Variants in CMTM6 observed in about 807,000 individuals in gnomAD.
The protein encoded by CMTM6 is CKLF like MARVEL transmembrane domain containing 6.
CMTM6 carries 5 observed loss-of-function variants against 13.6 expected under a neutral mutation model. The ratio of observed to expected loss-of-function variants is 0.37; its 90% CI spans 0.19 to 0.77. The LOEUF (loss-of-function observed/expected upper bound fraction) is 0.77. CMTM6 is among the 30% of genes least tolerant of loss of function. The pLI, the probability that CMTM6 is intolerant of heterozygous loss-of-function variation, is 0.50. For missense variants in CMTM6, 196 were observed against 218.6 expected, an observed-to-expected ratio of 0.90 and a Z score of 0.65; for synonymous variants, 99 against 84.5, an observed-to-expected ratio of 1.17 and a Z score of -0.94.
intron 2 of CMTM6, among the ~76,000 whole-genome samples, chr3:32,489,704 CT>C (rs1697235205): frequency 6.6e-6 from 1 of 151,692 alleles, no homozygotes; most frequent in Non-Finnish European, 1.5e-5. Context: ...AGGTGTTTCC[CT>C]GTAGTACTTT....
At chr3:32,488,103 T>C (rs1044859530) in intron 2 of CMTM6, 67 bp from the exon 3 acceptor site, 10 of 1,142,954 alleles carry the variant, frequency 8.7e-6, no homozygotes, top group Middle Eastern at 4.4e-4. Context: ...AACTTTTTCA[T>C]TTTTAACTTT....
Position 32,502,628 on chromosome 3 carries a change from C to G in CMTM6, c.118G>C (p.Val40Leu), listed in dbSNP as rs956569134. ...CTCACCAGCTGCAAGCCCTTGAGAACGCGCCGGAGCAATGGGAGCCGGCCC... is the reference window on the plus strand; with the variant it reads ...CTCACCAGCTGCAAGCCCTTGAGAAGGCGCCGGAGCAATGGGAGCCGGCCC... Reference protein sequence around the residue: ...FMGRLPLLRRVLKGLQLLLSL... With the variant: ...FMGRLPLLRRLLKGLQLLLSL... Residue 40 changes from valine to leucine, a missense_variant, in exon 1 of 4, where the codon GTT becomes CTT. Coordinates refer to ENST00000205636, the MANE Select transcript of CMTM6 (RefSeq NM_017801.3). The G allele has an allele frequency of 4.4e-6, 7 of 1,597,164 alleles. No individual in the cohort carries two copies. The highest frequency in any genetic ancestry group is 4.5e-5 in the East Asian group (2 of 44,246).
At chr3:32,490,909 A>G (rs1384236830) in intron 2 of CMTM6, among the ~76,000 whole-genome samples, 1 of 152,196 alleles carries the variant, frequency 6.6e-6, no homozygotes, top group African/African-American at 2.4e-5. Context: ...CAGACACTTG[A>G]GAACTTTTCC....
intron 1 of CMTM6, among the ~76,000 whole-genome samples, chr3:32,499,925 T>G (rs892557556): frequency 4.0e-5 from 6 of 148,576 alleles, no homozygotes; most frequent in African/African-American, 1.2e-4. Context: ...ACCTTAAGAG[T>G]GCAAAGAACC....
chr3:32,502,510 G>C (rs1575140532), intron 1 of CMTM6, 98 bp downstream of exon 1: 4 of 1,469,102 alleles, frequency 2.7e-6, no homozygotes, highest in Non-Finnish European at 3.6e-6. Flanking sequence ...TCCTTTTACT[G>C]AACAACCAAG....
chr3:32,484,051 G>A lies in CMTM6; in HGVS notation c.461C>T (p.Thr154Ile), dbSNP rs1697180506. 6.2e-7 allele frequency: 1 copy of A among 1,609,622 alleles called. No homozygotes were observed. Among genetic ancestry groups the A allele is most frequent in the Admixed American group, 1.7e-5 (1 of 58,912 alleles). Residue 154 changes from threonine (T) to isoleucine (I), a missense_variant, in exon 4 of 4, where the codon ACT becomes ATT. By Grantham distance (89) the Thr-to-Ile change is moderately conservative. This residue lies in a region of CMTM6 where 111 missense variants were observed against 160.0 expected (regional missense o/e 0.69). Transcript: ENST00000205636. Reference sequence around the variant, plus strand: ...CTCCTGTCGTTTTTCATACAGCATAGTGATAAAGTCAAGTAGGAACATAAA... The same window carrying A: ...CTCCTGTCGTTTTTCATACAGCATAATGATAAAGTCAAGTAGGAACATAAA... Reference protein sequence around the residue: ...ASFMFLLDFITMLYEKRQESQ... With the variant: ...ASFMFLLDFIIMLYEKRQESQ...
At chr3:32,490,475 CTA>C (rs1697241723) in intron 2 of CMTM6, among the ~76,000 whole-genome samples, 1 of 151,908 alleles carries the variant, frequency 6.6e-6, no homozygotes, top group Admixed American at 6.6e-5. Flanking sequence ...AATTTTAAAA[CTA>C]TGAATGGAAT....
chr3:32,491,114 G>A (rs1486551952), intron 2 of CMTM6, among the ~76,000 whole-genome samples: 1 of 152,170 alleles, frequency 6.6e-6, no homozygotes, highest in Non-Finnish European at 1.5e-5. Context: ...CAAGATGGTA[G>A]GGCATTGGTT....
chr3:32,494,600 C>G (rs1697274254), intron 1 of CMTM6, among the ~76,000 whole-genome samples: 1 of 151,858 alleles, frequency 6.6e-6, no homozygotes, highest in Non-Finnish European at 1.5e-5. Context: ...TTCATAGTAG[C>G]CCCAAACTAG....
chr3:32,502,722 G>A lies in CMTM6; in HGVS notation c.24C>T (p.Ser8=), dbSNP rs1342769017. 1 of 1,542,554 alleles carries A rather than the reference G, an allele frequency of 6.5e-7. No homozygotes were observed. Among genetic ancestry groups the A allele is most frequent in the African/African-American group, 1.4e-5 (1 of 71,086 alleles). MENGAVY[S]PTTEEDPGPA... ...GGCCCGGGTCCTCCTCCGTAGTGGG[G>A]CTGTACACCGCTCCGTTCTCCATCG... Residue 8 remains serine (S), a synonymous_variant, in exon 1 of 4, where the codon AGC becomes AGT. Coordinates refer to ENST00000205636, the MANE Select transcript of CMTM6 (RefSeq NM_017801.3).
chr3:32,498,523 A>C (rs1421196894), intron 1 of CMTM6, among the ~76,000 whole-genome samples: 3 of 152,036 alleles, frequency 2.0e-5, no homozygotes, highest in Non-Finnish European at 4.4e-5. Flanking sequence ...ACATGATCTT[A>C]CAGTTCTGGT....
rs749798079 is a variant in CMTM6, at chr3:32,483,650, T to A, written c.*310A>T. The A allele has an allele frequency of 4.2e-5, 8 of 189,892 alleles. No homozygotes were observed. The highest frequency in any genetic ancestry group is 7.5e-5 in the Non-Finnish European group (7 of 93,524). The allele number at this position is 189,892 out of a possible 1,614,324, so 11.8% of individuals were successfully genotyped here. A position where few individuals can be genotyped will look rare whatever the true frequency, so the allele number is the denominator to read the frequency against. On this transcript the variant is annotated 3_prime_UTR_variant, in exon 4 of 4. Coordinates refer to ENST00000205636, the MANE Select transcript of CMTM6 (RefSeq NM_017801.3). Reference sequence around the variant, plus strand: ...CTAAGCCTAGTAAAAGAATGACCTGTAACAGAATGACAGAATCATTTATCA... The same window carrying A: ...CTAAGCCTAGTAAAAGAATGACCTGAAACAGAATGACAGAATCATTTATCA...
intron 1 of CMTM6, 122 bp downstream of exon 1, chr3:32,502,486 G>A: frequency 8.0e-7 from 1 of 1,253,590 alleles, no homozygotes; most frequent in Non-Finnish European, 1.1e-6. Context: ...GAAGGAACTA[G>A]AGGTGTGGAA....
chr3:32,497,070 C>A (rs1246048912), intron 1 of CMTM6, among the ~76,000 whole-genome samples: 2 of 152,080 alleles, frequency 1.3e-5, no homozygotes, highest in Admixed American at 6.6e-5. Context: ...CAGCAAGCCA[C>A]AGGAAGTGTT....
chr3:32,487,737 A>C, intron 3 of CMTM6: 1 of 419,470 alleles, frequency 2.4e-6, no homozygotes, highest in Non-Finnish European at 4.3e-6. Context: ...TTTTTAAACA[A>C]AATTCAGTCA....
At chr3:32,496,383 A>T (rs747008109) in intron 1 of CMTM6, among the ~76,000 whole-genome samples, 6 of 151,752 alleles carry the variant, frequency 4.0e-5, no homozygotes, top group African/African-American at 7.3e-5. Flanking sequence ...GGAGTTTGAG[A>T]CCAGCCTGGG....
At chr3:32,492,367 G>A (rs1430894970) in intron 1 of CMTM6, among the ~76,000 whole-genome samples, 3 of 152,208 alleles carry the variant, frequency 2.0e-5, no homozygotes, top group Non-Finnish European at 4.4e-5. Flanking sequence ...GTCAAAGTGA[G>A]TCAAATCAAC....
chr3:32,497,024 C>T (rs1055165493), intron 1 of CMTM6, among the ~76,000 whole-genome samples: 5 of 151,940 alleles, frequency 3.3e-5, no homozygotes, highest in Admixed American at 1.3e-4. Flanking sequence ...TCTACAGTTC[C>T]GAGTGTAGGA....
intron 1 of CMTM6, among the ~76,000 whole-genome samples, chr3:32,501,856 C>G (rs1436412903): frequency 2.6e-5 from 4 of 152,156 alleles, no homozygotes; most frequent in African/African-American, 9.7e-5. Context: ...ACATAGGAGC[C>G]AACACGACTG....
Sources: allele counts gnomAD v4.1 joint callset (sites outside exome capture counted in the v4.1 genomes callset), GRCh38; gene constraint gnomAD v4.1.1; regional missense constraint gnomAD v4.1.1; transcripts MANE v1.5; gene names NCBI Gene and HGNC (gene_info 2026-07-23, HGNC 2026-07-21).